Variants in NSUN6 observed in about 807,000 individuals in gnomAD.
NSUN6 encodes the protein tRNA (cytosine(72)-C(5))-methyltransferase NSUN6.
Under a neutral mutation model 58.0 loss-of-function variants are expected in NSUN6, and 64 were observed. That is an observed-to-expected ratio of 1.10 (90% CI 0.90 to 1.36). NSUN6 has a LOEUF of 1.36. Ranked by LOEUF, NSUN6 falls within the 40% of genes most tolerant of loss-of-function variation. NSUN6 has a pLI of 0.00. For missense variants in NSUN6, 701 were observed against 550.1 expected (o/e 1.27, Z -2.74); for synonymous variants, 231 against 193.9 (o/e 1.19, Z -1.59).
chr10:18,600,166 G>T (rs764657166), intron 6 of NSUN6, among the ~76,000 whole-genome samples: 6 of 152,082 alleles, frequency 3.9e-5, no homozygotes, highest in East Asian at 1.9e-4. Context: ...GAAGCCACAG[G>T]GGGTATTGGC....
rs759693729 is a variant in NSUN6 at position 18,616,313 on chromosome 10, G to A, written c.312-20C>T. On this transcript the variant is annotated intron_variant, in intron 3 of 10. Coordinates refer to ENST00000377304, the MANE Select transcript of NSUN6 (RefSeq NM_182543.5). ...TTCTTTCTAGAAATGTAAGACACAA[G>A]AAGTTTAATAGTAACATACCTCCAA... 2.9e-5 allele frequency: 42 copies of A among 1,460,580 alleles called. No individual in the cohort carries two copies. The East Asian group carries it at 9.1e-4, about 31-fold the overall frequency. 90.5% of individuals were successfully genotyped at this position (1,460,580 alleles called of 1,614,324 possible).
Position 18,571,487 on chromosome 10 carries a change from T to C in NSUN6, c.922+14462A>G, listed in dbSNP as rs370217532. Among the ~76,000 whole-genome samples, 14 of 151,334 alleles carry C rather than the reference T, an allele frequency of 9.3e-5. No individual in the cohort carries two copies. The East Asian group carries it at 1.4e-3, about 15-fold the overall frequency. On this transcript the variant is annotated intron_variant, in intron 8 of 10. Transcript: ENST00000377304. Reference sequence around the variant, plus strand: ...CCAATCCATTCTCCATTCCATTCCCTTCCCCTTTCCATTCCATTCCCCATT... The same window carrying C: ...CCAATCCATTCTCCATTCCATTCCCCTCCCCTTTCCATTCCATTCCCCATT...
At chr10:18,609,256 A>G (rs2058147650) in intron 6 of NSUN6, among the ~76,000 whole-genome samples, 1 of 152,142 alleles carries the variant, frequency 6.6e-6, no homozygotes. Flanking sequence ...GGTTACAGTG[A>G]GCTACGATTG....
intron 3 of NSUN6, among the ~76,000 whole-genome samples, chr10:18,636,104 C>A (rs908044074): frequency 2.7e-4 from 41 of 151,842 alleles, no homozygotes; most frequent in Admixed American, 1.2e-3. Context: ...AACAACCAGA[C>A]TCAGCTAACT....
intron 4 of NSUN6, among the ~76,000 whole-genome samples, chr10:18,615,538 AC>A (rs1396318480): frequency 6.6e-6 from 1 of 152,158 alleles, no homozygotes; most frequent in Middle Eastern, 3.2e-3. Context: ...AAAGGAAAAA[AC>A]CATTCTTAGC....
chr10:18,588,536 T>C (rs2057258915), intron 7 of NSUN6, among the ~76,000 whole-genome samples: 1 of 152,144 alleles, frequency 6.6e-6, no homozygotes, highest in Non-Finnish European at 1.5e-5. Flanking sequence ...GAGTTCCAGC[T>C]AGCATCGGGC....
intron 6 of NSUN6, among the ~76,000 whole-genome samples, chr10:18,604,512 G>A (rs747463550): frequency 2.0e-5 from 3 of 152,054 alleles, no homozygotes; most frequent in Admixed American, 6.6e-5. Context: ...ATACAGAATC[G>A]CAGAATCCAC....
At chr10:18,628,464 G>C (rs2058907497) in intron 3 of NSUN6, among the ~76,000 whole-genome samples, 2 of 152,148 alleles carry the variant, frequency 1.3e-5, no homozygotes, top group Non-Finnish European at 2.9e-5. Flanking sequence ...TCCGAGCTAC[G>C]GGAGGAAATT....
At chr10:18,588,762 G>T (rs947822174) in intron 7 of NSUN6, among the ~76,000 whole-genome samples, 2 of 152,112 alleles carry the variant, frequency 1.3e-5, no homozygotes, top group African/African-American at 4.8e-5. Flanking sequence ...CCCATCCAAA[G>T]GTCATCAACC....
At chr10:18,572,414 T>C (rs1440684435) in intron 8 of NSUN6, among the ~76,000 whole-genome samples, 1 of 151,010 alleles carries the variant, frequency 6.6e-6, no homozygotes, top group Non-Finnish European at 1.5e-5. Context: ...CCATTGTCCA[T>C]TCTATTCCAT....
At chr10:18,579,180 AT>A (rs1016104225) in intron 8 of NSUN6, among the ~76,000 whole-genome samples, 7 of 149,516 alleles carry the variant, frequency 4.7e-5, no homozygotes, top group Admixed American at 2.0e-4. Context: ...TTTTATTACT[AT>A]TTTTTTTTTG....
At chr10:18,603,118 C>A (rs2057911513) in intron 6 of NSUN6, among the ~76,000 whole-genome samples, 1 of 152,106 alleles carries the variant, frequency 6.6e-6, no homozygotes, top group South Asian at 2.1e-4. Context: ...CATGGCAAAA[C>A]CCTGTCTCTA....
intron 7 of NSUN6, among the ~76,000 whole-genome samples, chr10:18,595,521 G>C (rs2057551535): frequency 6.6e-6 from 1 of 152,106 alleles, no homozygotes; most frequent in African/African-American, 2.4e-5. Flanking sequence ...TCTTATTTCA[G>C]GTGCTTTATT....
intron 2 of NSUN6, among the ~76,000 whole-genome samples, chr10:18,646,880 G>A (rs932357279): frequency 3.9e-5 from 6 of 152,058 alleles, no homozygotes; most frequent in African/African-American, 1.2e-4. Flanking sequence ...CTTCCAGTGG[G>A]CCTCAGAACA....
intron 8 of NSUN6, among the ~76,000 whole-genome samples, chr10:18,562,153 G>C (rs1262172145): frequency 6.6e-6 from 1 of 150,844 alleles, no homozygotes; most frequent in Non-Finnish European, 1.5e-5. Flanking sequence ...ATGGAAAATG[G>C]AATGGAATAG....
At chr10:18,656,396 G>A (rs2059777718), upstream of NSUN6, among the ~76,000 whole-genome samples, 1 of 152,146 alleles carries the variant, frequency 6.6e-6, no homozygotes. Flanking sequence ...AATTAACTGG[G>A]CATGGTGGTG....
intron 2 of NSUN6, among the ~76,000 whole-genome samples, chr10:18,647,747 T>C (rs1010160883): frequency 3.4e-5 from 4 of 116,226 alleles, no homozygotes; most frequent in Non-Finnish European, 7.4e-5. Flanking sequence ...TTTTTTTTTT[T>C]TTTTTGAGAC....
At position 18,564,936 on chromosome 10, in the gene NSUN6, C is replaced by CCATTT. The variant is rs1374498088; in HGVS notation, c.923-12970_923-12966dup. 2.0e-5 allele frequency among the ~76,000 whole-genome samples: 3 copies of CCATTT among 151,248 alleles called. No homozygotes were observed. In the East Asian group the frequency reaches 5.8e-4, roughly 29 times the overall value. On this transcript the variant is annotated intron_variant, in intron 8 of 10. Transcript: ENST00000377304. The stretch of plus-strand genomic sequence containing the variant: ...ATTCCATTCCATTCTCCATTCCATT[C>CCATTT]CATTTCATTGCATTCTATTCTTCAT...
chr10:18,586,725 T>C (rs937003555), intron 7 of NSUN6, among the ~76,000 whole-genome samples: 3 of 152,224 alleles, frequency 2.0e-5, no homozygotes, highest in Non-Finnish European at 4.4e-5. Context: ...AGATTTATTG[T>C]GAAGAACGAA....
Sources: gnomAD v4.1 joint callset for allele counts (sites outside exome capture counted in the v4.1 genomes callset) on GRCh38, gnomAD v4.1.1 for gene constraint, MANE v1.5 for transcripts, NCBI Gene and HGNC (gene_info 2026-07-23, HGNC 2026-07-21) for gene names.